The following CNTN4 variants were observed in gnomAD, a reference collection of about 807,000 sequenced individuals.
CNTN4 encodes the protein contactin 4, also known as contactin-4.
Under a neutral mutation model 122.5 loss-of-function variants are expected in CNTN4, and 77 were observed. That is an observed-to-expected ratio of 0.63 (90% CI 0.52 to 0.76). The LOEUF (loss-of-function observed/expected upper bound fraction) is 0.76. CNTN4 is among the 30% of genes least tolerant of loss of function. The pLI is 0.00. For synonymous variants in CNTN4, 512 were observed against 447.0 expected (o/e 1.15, Z -1.83); for missense variants, 1,256 against 1,259.1 (o/e 1.00, Z 0.04).
intron 8 of CNTN4, among the ~76,000 whole-genome samples, chr3:2,871,432 A>G (rs1170184957): frequency 6.6e-6 from 1 of 152,162 alleles, no homozygotes; most frequent in East Asian, 1.9e-4. Flanking sequence ...TACTCTCCAA[A>G]GTGACTAACG....
intron 2 of CNTN4, among the ~76,000 whole-genome samples, chr3:2,253,988 C>T (rs935005994): frequency 6.6e-6 from 1 of 152,058 alleles, no homozygotes; most frequent in Non-Finnish European, 1.5e-5. Context: ...GTGCTGCAGC[C>T]ATCAACCCAT....
intron 14 of CNTN4, among the ~76,000 whole-genome samples, chr3:2,993,070 C>T (rs1053901258): frequency 1.3e-5 from 2 of 152,118 alleles, no homozygotes; most frequent in Non-Finnish European, 2.9e-5. Context: ...AAATCCATAC[C>T]TGTTTTATAT....
chr3:2,375,432 G>A (rs761965558), intron 3 of CNTN4, among the ~76,000 whole-genome samples: 6 of 151,992 alleles, frequency 3.9e-5, no homozygotes, highest in East Asian at 1.9e-4. Flanking sequence ...AAGATATTAC[G>A]GTGGCCCTAT....
chr3:2,362,469 C>T, intron 3 of CNTN4: 1 of 460,420 alleles, frequency 2.2e-6, no homozygotes, highest in South Asian at 1.7e-5. Context: ...TATATGAGGA[C>T]TAGCAGTGTC....
intron 6 of CNTN4, among the ~76,000 whole-genome samples, chr3:2,747,337 A>G (rs9837646): frequency 0.088 from 13,197 of 149,786 alleles, 963 homozygotes; most frequent in African/African-American, 0.2. Flanking sequence ...GGAACCCGGG[A>G]GGCGGAGCTT....
chr3:2,595,722 C>T (rs935464463), intron 4 of CNTN4, among the ~76,000 whole-genome samples: 9 of 152,144 alleles, frequency 5.9e-5, no homozygotes, highest in Non-Finnish European at 1.3e-4. Flanking sequence ...ATATCCCTGG[C>T]TGTAGTTGTC....
At chr3:2,596,281 T>G (rs1405338797) in intron 4 of CNTN4, among the ~76,000 whole-genome samples, 1 of 152,162 alleles carries the variant, frequency 6.6e-6, no homozygotes, top group East Asian at 1.9e-4. Flanking sequence ...CTACAAACAT[T>G]GATTTACACA....
intron 13 of CNTN4, among the ~76,000 whole-genome samples, chr3:2,934,824 G>A (rs1269438824): frequency 6.6e-6 from 1 of 152,258 alleles, no homozygotes; most frequent in Non-Finnish European, 1.5e-5. Context: ...CAACAGGAGC[G>A]TCATTGCTCT....
chr3:2,290,305 G>C (rs1028694957), intron 2 of CNTN4, among the ~76,000 whole-genome samples: 2 of 152,178 alleles, frequency 1.3e-5, no homozygotes, highest in Non-Finnish European at 2.9e-5. Context: ...GAAATATCCA[G>C]AGTGATTATG....
At chr3:2,886,280 C>A (rs1361598063) in intron 9 of CNTN4, among the ~76,000 whole-genome samples, 1 of 151,454 alleles carries the variant, frequency 6.6e-6, no homozygotes, top group Non-Finnish European at 1.5e-5. Flanking sequence ...GCCTGTAGTC[C>A]TAGCTACTTG....
chr3:2,865,551 C>A (rs1374145498), intron 7 of CNTN4, among the ~76,000 whole-genome samples: 1 of 152,188 alleles, frequency 6.6e-6, no homozygotes, highest in Non-Finnish European at 1.5e-5. Flanking sequence ...GGCCCCATTG[C>A]ATTTAGTTGT....
At chr3:2,616,939 C>G (rs552207282) in intron 4 of CNTN4, among the ~76,000 whole-genome samples, 3 of 152,012 alleles carry the variant, frequency 2.0e-5, no homozygotes, top group Admixed American at 1.3e-4. Flanking sequence ...GCTAGCCATA[C>G]GCAGAAAACT....
chr3:2,340,905 T>A (rs2044186111), intron 3 of CNTN4, among the ~76,000 whole-genome samples: 1 of 151,870 alleles, frequency 6.6e-6, no homozygotes, highest in Non-Finnish European at 1.5e-5. Flanking sequence ...ATCAGCTGCT[T>A]GGGTCTTCTG....
chr3:2,657,496 G>T (rs1233167887), intron 4 of CNTN4, among the ~76,000 whole-genome samples: 4 of 152,130 alleles, frequency 2.6e-5, no homozygotes, highest in Admixed American at 2.6e-4. Flanking sequence ...ATTTATTTTG[G>T]TTCTAAGGAG....
chr3:2,262,620 C>T (rs534980951), intron 2 of CNTN4, among the ~76,000 whole-genome samples: 1,112 of 109,402 alleles, frequency 0.01, 17 homozygotes, highest in African/African-American at 0.035. Context: ...TATACACTTG[C>T]TGTTCCGTGT....
chr3:2,652,711 C>A (rs542507745), intron 4 of CNTN4, among the ~76,000 whole-genome samples: 25 of 151,940 alleles, frequency 1.6e-4, no homozygotes, highest in Non-Finnish European at 3.5e-4. Context: ...TCAGTGGAAT[C>A]CTTGCCTTAG....
chr3:2,857,774 G>A (rs980854723), intron 7 of CNTN4, among the ~76,000 whole-genome samples: 4 of 152,144 alleles, frequency 2.6e-5, no homozygotes, highest in African/African-American at 7.2e-5. Context: ...TTGTAGAGAT[G>A]TGGTCTTATT....
At chr3:2,181,286 A>G (rs536163081) in intron 2 of CNTN4, among the ~76,000 whole-genome samples, 1 of 152,180 alleles carries the variant, frequency 6.6e-6, no homozygotes, top group Admixed American at 6.5e-5. Context: ...AAGCCCCCAA[A>G]TGTTTAAAGA....
chr3:2,435,545 T>C (rs1483562810), intron 3 of CNTN4, among the ~76,000 whole-genome samples: 1 of 152,150 alleles, frequency 6.6e-6, no homozygotes, highest in African/African-American at 2.4e-5. Flanking sequence ...ATACAATCTG[T>C]AATAGTGACC....
Sources: allele counts gnomAD v4.1 joint callset (sites outside exome capture counted in the v4.1 genomes callset), GRCh38; gene constraint gnomAD v4.1.1; transcripts MANE v1.5; gene names NCBI Gene and HGNC (gene_info 2026-07-23, HGNC 2026-07-21).